TECTB: variants seen among roughly 807,000 people sequenced by gnomAD.
The protein encoded by TECTB is beta-tectorin.
TECTB carries 45 observed loss-of-function variants against 43.3 expected under a neutral mutation model. That is an observed-to-expected ratio of 1.04 (90% CI 0.82 to 1.33). The LOEUF is 1.33. Among genes scored for constraint, TECTB ranks in the 40% most tolerant of loss-of-function variants. The pLI is 0.00. For synonymous variants in TECTB, 169 were observed against 156.7 expected, an observed-to-expected ratio of 1.08 and a Z score of -0.59; for missense variants, 399 against 404.7, an observed-to-expected ratio of 0.99 and a Z score of 0.12.
At chr10:112,290,262 T>C (rs1848487115) in intron 5 of TECTB, among the ~76,000 whole-genome samples, 1 of 152,056 alleles carries the variant, frequency 6.6e-6, no homozygotes, top group Non-Finnish European at 1.5e-5. Context: ...ATAAAAGTAA[T>C]ATATATAGGG....
At chr10:112,302,358 C>T (rs773165186) in intron 10 of TECTB, 3 of 476,906 alleles carry the variant, frequency 6.3e-6, no homozygotes, top group African/African-American at 6.0e-5. Flanking sequence ...TCGGATGAAG[C>T]AGAACTGGAC....
intron 5 of TECTB, 79 bp from the exon 6 acceptor site, chr10:112,293,659 T>A (rs1848518907): frequency 7.8e-7 from 1 of 1,285,888 alleles, no homozygotes; most frequent in Non-Finnish European, 1.1e-6. Context: ...CCCCACCCCA[T>A]CCCAATTCAT....
intron 5 of TECTB, among the ~76,000 whole-genome samples, chr10:112,288,517 C>T (rs968825015): frequency 3.9e-5 from 6 of 152,116 alleles, no homozygotes; most frequent in African/African-American, 1.4e-4. Flanking sequence ...GGGACTCTGC[C>T]ATCCTGACAC....
intron 7 of TECTB, among the ~76,000 whole-genome samples, chr10:112,297,656 G>C (rs919298922): frequency 2.0e-5 from 3 of 152,080 alleles, no homozygotes; most frequent in Non-Finnish European, 2.9e-5. Flanking sequence ...AATGTGTTGG[G>C]TGTGACTTGA....
chr10:112,299,754 G>A (rs1176278279), intron 9 of TECTB, 190 bp downstream of exon 9: 1 of 592,970 alleles, frequency 1.7e-6, no homozygotes, highest in Non-Finnish European at 3.0e-6. Flanking sequence ...AAGGAGTTGA[G>A]GTTTGTTATC....
At chr10:112,287,352 T>C (rs1848463372) in intron 5 of TECTB, among the ~76,000 whole-genome samples, 1 of 152,208 alleles carries the variant, frequency 6.6e-6, no homozygotes, top group African/African-American at 2.4e-5. Context: ...TGCTCTCCTC[T>C]TTAGAAGGGG....
At position 112,304,691 on chromosome 10, in the gene TECTB, A is replaced by G. The variant is rs1848638299; in HGVS notation, c.*1379A>G. The G allele has an allele frequency of 7.1e-6, 1 of 141,456 alleles. No homozygotes were observed. Among genetic ancestry groups the G allele is most frequent in the Admixed American group, 6.7e-5 (1 of 14,904 alleles). The allele number at this position is 141,456 out of a possible 1,614,324, so 8.8% of individuals were successfully genotyped here. ...CTTGTGTTAGTGAACTCAGAGATTA[A>G]ACTAGTTATGAAATCTCCGGATACA... On this transcript the variant is annotated 3_prime_UTR_variant, in exon 11 of 11. Transcript: ENST00000646139.
chr10:112,295,828 T>C (rs1409854054), intron 7 of TECTB, among the ~76,000 whole-genome samples: 3 of 152,256 alleles, frequency 2.0e-5, no homozygotes, highest in Non-Finnish European at 4.4e-5. Flanking sequence ...ATCTGGCAGA[T>C]GTGCAACATG....
chr10:112,293,014 C>T (rs1848512766), intron 5 of TECTB, among the ~76,000 whole-genome samples: 1 of 152,216 alleles, frequency 6.6e-6, no homozygotes, highest in Admixed American at 6.5e-5. Flanking sequence ...AAAACTGCAA[C>T]CTGCCCTTCC....
At chr10:112,299,393 G>A in intron 8 of TECTB, 99 bp from the exon 9 acceptor site, 2 of 1,197,486 alleles carry the variant, frequency 1.7e-6, no homozygotes, top group Non-Finnish European at 2.4e-6. Flanking sequence ...CCCCATTTGT[G>A]ACCTTTTTAA....
Position 112,284,698 on chromosome 10 carries a change from C to T in TECTB, c.240C>T (p.Asn80=). ...QFVIPDLSPK[N]KSYCGTQSEY... ...TGATCCCAGATTTATCACCTAAAAA[C>T]AAGTCCTATTGTGGAACCCAGTCTG... The change falls in exon 3 of 11, where the codon AAC becomes AAT. Residue 80 remains asparagine (N), a synonymous_variant. Transcript: ENST00000646139. 1.2e-6 allele frequency: 2 copies of T among 1,608,136 alleles called. No homozygotes were observed. Among genetic ancestry groups the T allele is most frequent in the Non-Finnish European group, 1.7e-6 (2 of 1,176,982 alleles).
chr10:112,300,279 A>AAAAGAAAGAAAG (rs71303596), intron 9 of TECTB, among the ~76,000 whole-genome samples: 1,288 of 48,072 alleles, frequency 0.027, 36 homozygotes, highest in African/African-American at 0.029. Context: ...AGAAAGAAAG[A>AAAAGAAAGAAAG]AAAGAAAGAA....
At chr10:112,286,412 C>T (rs997103719) in intron 5 of TECTB, 21 bp downstream of exon 5, 3 of 1,594,862 alleles carry the variant, frequency 1.9e-6, no homozygotes, top group Non-Finnish European at 2.6e-6. Context: ...TCCAGGTTCC[C>T]ATTACTTCCC....
intron 2 of TECTB, among the ~76,000 whole-genome samples, chr10:112,284,249 T>C (rs1355330323): frequency 6.6e-6 from 1 of 152,222 alleles, no homozygotes; most frequent in Non-Finnish European, 1.5e-5. Context: ...GTCTAATACA[T>C]CCTACCTGTG....
intron 4 of TECTB, 44 bp downstream of exon 4, chr10:112,286,257 T>C (rs779679405): frequency 6.2e-7 from 1 of 1,614,050 alleles, no homozygotes; most frequent in South Asian, 1.1e-5. Context: ...CTCATGTGTG[T>C]ACTGCAGGTC....
In TECTB at chr10:112,283,707, C is replaced by A. The variant is rs752178725; in HGVS notation, c.-28C>A. 8.1e-6 allele frequency: 13 copies of A among 1,612,196 alleles called. No individual in the cohort carries two copies. The highest frequency in any genetic ancestry group is 2.2e-5 in the East Asian group (1 of 44,844). Reference sequence around the variant, plus strand: ...ACATTTGGCCAGCTTGGTTTGGATACCTGGCAGAGACCAGGTTCTGAGAAG... The same window carrying A: ...ACATTTGGCCAGCTTGGTTTGGATAACTGGCAGAGACCAGGTTCTGAGAAG... On this transcript the variant is annotated 5_prime_UTR_variant, in exon 2 of 11. Transcript: ENST00000646139.
chr10:112,300,680 G>A (rs1401215349), intron 9 of TECTB, among the ~76,000 whole-genome samples: 1 of 152,176 alleles, frequency 6.6e-6, no homozygotes, highest in East Asian at 1.9e-4. Context: ...CAAAGGTCAT[G>A]CTCACAGGAA....
At chr10:112,298,720 C>T (rs558288774) in intron 8 of TECTB, among the ~76,000 whole-genome samples, 2 of 152,298 alleles carry the variant, frequency 1.3e-5, no homozygotes, top group African/African-American at 4.8e-5. Context: ...AAATTCCCGA[C>T]ACTGGATCAT....
intron 10 of TECTB, 90 bp downstream of exon 10, chr10:112,302,223 C>A: frequency 6.7e-7 from 1 of 1,488,998 alleles, no homozygotes; most frequent in Non-Finnish European, 9.3e-7. Flanking sequence ...TTGGCCCCGG[C>A]AAAACTTTTA....
Sources: allele counts gnomAD v4.1 joint callset (sites outside exome capture counted in the v4.1 genomes callset), GRCh38; gene constraint gnomAD v4.1.1; transcripts MANE v1.5; gene names NCBI Gene and HGNC (gene_info 2026-07-23, HGNC 2026-07-21).